Variants in WWP1 observed in about 807,000 individuals in gnomAD.
The protein encoded by WWP1 is NEDD4-like E3 ubiquitin-protein ligase WWP1.
Under a neutral mutation model 130.6 loss-of-function variants are expected in WWP1, and 49 were observed. The ratio of observed to expected loss-of-function variants is 0.38; its 90% CI spans 0.30 to 0.48. WWP1 has a LOEUF of 0.48. Among genes scored for constraint, WWP1 ranks in the 20% least tolerant of loss-of-function variants. The pLI is 0.99. For missense variants in WWP1, 809 were observed against 1,100.6 expected (o/e 0.74, Z 3.75); for synonymous variants, 332 against 367.8 (o/e 0.90, Z 1.11).
At chr8:86,429,658 T>G (rs1809827377) in intron 11 of WWP1, among the ~76,000 whole-genome samples, 1 of 152,168 alleles carries the variant, frequency 6.6e-6, no homozygotes, top group African/African-American at 2.4e-5. Context: ...GAGTGTTAGT[T>G]TTATTAGTGG....
At chr8:86,394,419 TTC>T (rs1807535134) in intron 5 of WWP1, among the ~76,000 whole-genome samples, 1 of 152,148 alleles carries the variant, frequency 6.6e-6, no homozygotes, top group Admixed American at 6.5e-5. Context: ...AGCACCTACC[TTC>T]TCTCAGTTGC....
intron 1 of WWP1, among the ~76,000 whole-genome samples, chr8:86,357,856 T>C (rs962065636): frequency 3.9e-5 from 6 of 152,208 alleles, no homozygotes; most frequent in African/African-American, 1.2e-4. Context: ...CATGGAACGA[T>C]AGTTTTCCTT....
intron 1 of WWP1, among the ~76,000 whole-genome samples, chr8:86,346,424 A>G (rs530285635): frequency 2.0e-5 from 3 of 152,158 alleles, no homozygotes; most frequent in East Asian, 1.9e-4. Flanking sequence ...CTCTGTCTCA[A>G]AAAAAAAGAA....
chr8:86,387,042 C>T (rs1825325234), intron 5 of WWP1: 1 of 152,164 alleles, frequency 6.6e-6, no homozygotes, highest in South Asian at 2.1e-4. Context: ...AGGACTGCGC[C>T]CTCTTGATTT....
At chr8:86,428,615 TA>T (rs1271567596) in intron 11 of WWP1, among the ~76,000 whole-genome samples, 1 of 152,138 alleles carries the variant, frequency 6.6e-6, no homozygotes, top group Non-Finnish European at 1.5e-5. Context: ...AGAGGTTAAA[TA>T]GTAAGTTCTC....
intron 5 of WWP1, among the ~76,000 whole-genome samples, chr8:86,397,744 T>C (rs1807758229): frequency 6.6e-6 from 1 of 152,186 alleles, no homozygotes; most frequent in South Asian, 2.1e-4. Flanking sequence ...GTTCTAATAA[T>C]GGGAAGGAAG....
chr8:86,417,768 T>TAGAAA (rs1391191786), intron 9 of WWP1, among the ~76,000 whole-genome samples: 2 of 152,220 alleles, frequency 1.3e-5, no homozygotes, highest in African/African-American at 4.8e-5. Context: ...TTAAGTCATA[T>TAGAAA]AGAAATATTA....
In WWP1 at chr8:86,342,833, T is replaced by G; in HGVS notation, c.-212T>G. ...TGCTGCCGCCGCGCCTGCTGCGAGA[T>G]GGCGATCTTGGGCGCGGAAGGGTGA... is the stretch of plus-strand genomic sequence containing the variant. On this transcript the variant is annotated 5_prime_UTR_variant, in exon 1 of 25. It removes an upstream start codon present in the reference 5' UTR. Transcript: ENST00000517970. The G allele has an allele frequency of 2.7e-6, 1 of 365,046 alleles. No individual in the cohort carries two copies. Among genetic ancestry groups the G allele is most frequent in the East Asian group, 4.0e-5 (1 of 25,228 alleles). The allele number at this position is 365,046 out of a possible 1,614,324, so 22.6% of individuals were successfully genotyped here. A position where few individuals can be genotyped will look rare whatever the true frequency, so the allele number is the denominator to read the frequency against.
rs1586541874 is a variant in WWP1, at chr8:86,466,953, C to A, written c.*60C>A. ...TAAATACCCCAGCCAAGAAAAATTG[C>A]ACAGATAGTGTATATAAGCTGTTCA... On this transcript the variant is annotated 3_prime_UTR_variant, in exon 25 of 25. Transcript: ENST00000517970. 3.1e-6 allele frequency: 4 copies of A among 1,274,312 alleles called. No homozygotes were observed. The East Asian group carries it at 9.3e-5, about 30-fold the overall frequency. The allele number at this position is 1,274,312 out of a possible 1,614,324, so 78.9% of individuals were successfully genotyped here. A position where few individuals can be genotyped will look rare whatever the true frequency, so the allele number is the denominator to read the frequency against.
intron 21 of WWP1, among the ~76,000 whole-genome samples, chr8:86,452,896 A>C (rs1199073108): frequency 1.3e-5 from 2 of 152,174 alleles, no homozygotes; most frequent in Admixed American, 6.6e-5. Context: ...CAAAATCATC[A>C]ATCAGTGTCA....
chr8:86,442,900 A>T, intron 18 of WWP1, 122 bp downstream of exon 18: 1 of 1,048,942 alleles, frequency 9.5e-7, no homozygotes, highest in East Asian at 2.7e-5. Context: ...TTACCAAGAA[A>T]GTTTCCCTGG....
chr8:86,377,070 A>G (rs1824699752), intron 3 of WWP1, among the ~76,000 whole-genome samples: 1 of 151,936 alleles, frequency 6.6e-6, no homozygotes, highest in African/African-American at 2.4e-5. Context: ...TTATTAGATT[A>G]CAAAGACCTC....
chr8:86,446,955 C>T (rs1028142160), intron 18 of WWP1, among the ~76,000 whole-genome samples: 5 of 152,128 alleles, frequency 3.3e-5, no homozygotes, highest in Non-Finnish European at 7.4e-5. Context: ...CTTCTGTTTC[C>T]TCTGTGAAAT....
intron 21 of WWP1, among the ~76,000 whole-genome samples, chr8:86,453,765 G>C (rs146250530): frequency 6.6e-6 from 1 of 152,002 alleles, no homozygotes; most frequent in African/African-American, 2.4e-5. Flanking sequence ...ATGGGTGTGA[G>C]GGGATATCTC....
chr8:86,380,715 T>C lies in WWP1; in HGVS notation c.71-11T>C, dbSNP rs200829163. The C allele has an allele frequency of 2.6e-4, 414 of 1,604,000 alleles. 3 individuals carry two copies. The South Asian group carries it at 4.3e-3, about 17-fold the overall frequency. On this transcript the variant is annotated splice_polypyrimidine_tract_variant and intron_variant, in intron 3 of 24. Coordinates refer to ENST00000517970, the MANE Select transcript of WWP1 (RefSeq NM_007013.4). ...CAACACATACTCACTAGTGAATTAT[T>C]TGTCTGTTAGTTTCTAGTGCCAAAC...
chr8:86,357,483 G>A lies in WWP1; in HGVS notation c.-114-11456G>A, dbSNP rs138891142. ...AATAGGCCATTTGGTTTTACTGCTCGTATTTACTTAGTTGTTTGGGCATTT... is the reference window on the plus strand; with the variant it reads ...AATAGGCCATTTGGTTTTACTGCTCATATTTACTTAGTTGTTTGGGCATTT... On this transcript the variant is annotated intron_variant, in intron 1 of 24. Transcript: ENST00000517970. Among the ~76,000 whole-genome samples the A allele has an allele frequency of 1.1e-3, 173 of 152,248 alleles. 1 individual carries two copies. Among genetic ancestry groups the A allele is most frequent in the African/African-American group, 3.7e-3 (154 of 41,556 alleles).
chr8:86,452,686 C>T lies in WWP1; in HGVS notation c.2394+7C>T. The T allele has an allele frequency of 1.2e-6, 2 of 1,611,614 alleles. No individual in the cohort carries two copies. Among genetic ancestry groups the T allele is most frequent in the East Asian group, 2.2e-5 (1 of 44,738 alleles). On this transcript the variant is annotated splice_region_variant and intron_variant, in intron 21 of 24. Coordinates refer to ENST00000517970, the MANE Select transcript of WWP1 (RefSeq NM_007013.4). ...CGATGAAAAAGAATTAGAGGTTAGG[C>T]CCTTTTATTATGCTATTGTAGGGAA...
chr8:86,416,453 A>G (rs1473032156), intron 9 of WWP1, among the ~76,000 whole-genome samples: 1 of 152,330 alleles, frequency 6.6e-6, no homozygotes, highest in East Asian at 1.9e-4. Flanking sequence ...TGTAGTTATG[A>G]CAAGGCAGCA....
At chr8:86,361,411 A>C (rs1259029437) in intron 1 of WWP1, among the ~76,000 whole-genome samples, 1 of 152,074 alleles carries the variant, frequency 6.6e-6, no homozygotes, top group African/African-American at 2.4e-5. Context: ...TGCCTAGACT[A>C]CTTTCAGGCT....
Sources: allele counts gnomAD v4.1 joint callset (sites outside exome capture counted in the v4.1 genomes callset), GRCh38; gene constraint gnomAD v4.1.1; transcripts MANE v1.5; gene names NCBI Gene and HGNC (gene_info 2026-07-23, HGNC 2026-07-21).